The following IL23R variants were observed in gnomAD, a reference collection of about 807,000 sequenced individuals.
The protein encoded by IL23R is interleukin-23 receptor.
In IL23R, 34 loss-of-function variants were observed where a neutral mutation model predicts 56.9. The ratio of observed to expected loss-of-function variants is 0.60; its 90% confidence interval spans 0.45 to 0.80. IL23R has a LOEUF of 0.80. Ranked by LOEUF, IL23R falls within the 30% of genes least tolerant of loss-of-function variation. IL23R has a pLI of 0.00. For synonymous variants in IL23R, 230 were observed against 249.2 expected (o/e 0.92, Z 0.73); for missense variants, 635 against 730.0 (o/e 0.87, Z 1.50).
downstream of IL23R, chr1:67,259,993 ATAAC>A (rs1170939390): frequency 6.8e-6 from 1 of 147,372 alleles, no homozygotes; most frequent in Non-Finnish European, 1.5e-5. Flanking sequence ...AAAAAAAAGA[ATAAC>A]TAATACTTGC....
chr1:67,236,768 A>T lies in IL23R; in HGVS notation c.1011A>T (p.Thr337=). 6.2e-7 allele frequency: 1 copy of T among 1,613,624 alleles called. No individual in the cohort carries two copies. The highest frequency in any genetic ancestry group is 8.5e-7 in the Non-Finnish European group (1 of 1,179,522). The change falls in exon 8 of 11, where the codon ACA becomes ACT. Residue 337 remains threonine (T), a synonymous_variant. Coordinates refer to ENST00000347310, the MANE Select transcript of IL23R (RefSeq NM_144701.3). The part of the protein sequence containing the change: ...FQHDTWNSGL[T]VASISTGHLT... ...ATGACACATGGAATTCTGGGCTAAC[A>T]GTTGCTTCCATCTCTACAGGGCACC...
intron 9 of IL23R, among the ~76,000 whole-genome samples, chr1:67,242,495 G>T (rs563305207): frequency 6.6e-6 from 1 of 152,232 alleles, no homozygotes; most frequent in South Asian, 2.1e-4. Flanking sequence ...ATGATTTTAG[G>T]ATAAGCTGTT....
chr1:67,244,055 G>A (rs530618235), intron 9 of IL23R, among the ~76,000 whole-genome samples: 2 of 152,290 alleles, frequency 1.3e-5, no homozygotes, highest in African/African-American at 2.4e-5. Flanking sequence ...TTTCTCTAAT[G>A]ACTAGTGATG....
chr1:67,170,713 C>T lies in IL23R; in HGVS notation c.367+1075C>T, dbSNP rs569067465. On this transcript the variant is annotated intron_variant, in intron 3 of 10. Transcript: ENST00000347310. ...GGAATTTGTGTCTTTGCCATGTTCCCGTCCTCCACATTTTTGAGAATCAAG... is the reference window on the plus strand; with the variant it reads ...GGAATTTGTGTCTTTGCCATGTTCCTGTCCTCCACATTTTTGAGAATCAAG... Among the ~76,000 whole-genome samples, 14 of 152,276 alleles carry T rather than the reference C, an allele frequency of 9.2e-5. No homozygotes were observed. In the South Asian group the frequency reaches 2.1e-3, roughly 23 times the overall value.
intron 9 of IL23R, among the ~76,000 whole-genome samples, chr1:67,247,816 C>T (rs1226002021): frequency 6.6e-6 from 1 of 152,186 alleles, no homozygotes; most frequent in Non-Finnish European, 1.5e-5. Context: ...CTGGTGGTGA[C>T]AGAATCTCTC....
In IL23R at chr1:67,169,309, C is replaced by T. The variant is rs748670686; in HGVS notation, c.71-33C>T. On this transcript the variant is annotated intron_variant, in intron 2 of 10. Transcript: ENST00000347310. ...CTGAATCTCTTGATTTAATGTTTTA[C>T]GTGTAATTTATTATTTTTCCATTTA... 1.2e-4 allele frequency: 158 copies of T among 1,336,206 alleles called. 1 individual carries two copies. Among genetic ancestry groups the T allele is most frequent in the Non-Finnish European group, 1.4e-4 (136 of 952,822 alleles). 82.8% of individuals were successfully genotyped at this position (1,336,206 alleles called of 1,614,324 possible). A position where few individuals can be genotyped will look rare whatever the true frequency, so the allele number is the denominator to read the frequency against.
At chr1:67,219,848 T>C in intron 7 of IL23R, 118 bp downstream of exon 7, 2 of 978,458 alleles carry the variant, frequency 2.0e-6, no homozygotes, top group South Asian at 2.6e-5. Flanking sequence ...GGAAGATTGC[T>C]TGAGCCTAGG....
At chr1:67,173,387 CCAAA>C (rs1646968266) in intron 3 of IL23R, among the ~76,000 whole-genome samples, 1 of 151,966 alleles carries the variant, frequency 6.6e-6, no homozygotes, top group Non-Finnish European at 1.5e-5. Flanking sequence ...GTAACACAGC[CCAAA>C]CAATCTGATA....
chr1:67,146,711 C>T (rs1356301853), intron 1 of IL23R, among the ~76,000 whole-genome samples: 1 of 152,144 alleles, frequency 6.6e-6, no homozygotes, highest in Non-Finnish European at 1.5e-5. Flanking sequence ...GAATATGAAC[C>T]CTACCAGATC....
chr1:67,226,637 G>T (rs1463778857), intron 7 of IL23R, among the ~76,000 whole-genome samples: 1 of 152,204 alleles, frequency 6.6e-6, no homozygotes, highest in Non-Finnish European at 1.5e-5. Context: ...CAGGCCAAAA[G>T]GCAACTTTTG....
At chr1:67,222,242 G>A (rs921573763) in intron 7 of IL23R, among the ~76,000 whole-genome samples, 5 of 149,786 alleles carry the variant, frequency 3.3e-5, no homozygotes, top group South Asian at 2.1e-4. Context: ...TCAGCCTACC[G>A]AGTAGCTGGG....
intron 4 of IL23R, 41 bp downstream of exon 4, chr1:67,183,000 C>T: frequency 6.2e-7 from 1 of 1,611,112 alleles, no homozygotes; most frequent in Middle Eastern, 1.7e-4. Flanking sequence ...CAGTTCCACC[C>T]CAGTTCAGCC....
At chr1:67,156,856 G>A (rs1414569063) in intron 1 of IL23R, among the ~76,000 whole-genome samples, 2 of 152,166 alleles carry the variant, frequency 1.3e-5, no homozygotes, top group Non-Finnish European at 2.9e-5. Flanking sequence ...CACACTGCTG[G>A]AGTATGAACA....
intron 2 of IL23R, 137 bp from the exon 3 acceptor site, chr1:67,169,205 C>A: frequency 1.4e-5 from 7 of 504,898 alleles, no homozygotes; most frequent in South Asian, 4.4e-5. Context: ...TGAAAAGATA[C>A]ATCTAGTCCT....
At chr1:67,145,201 G>A (rs1646668817) in intron 1 of IL23R, among the ~76,000 whole-genome samples, 1 of 152,084 alleles carries the variant, frequency 6.6e-6, no homozygotes, top group African/African-American at 2.4e-5. Context: ...CAAAAAATTA[G>A]CCAGGCTTGG....
At chr1:67,210,209 T>C (rs1649359266) in intron 6 of IL23R, among the ~76,000 whole-genome samples, 1 of 152,132 alleles carries the variant, frequency 6.6e-6, no homozygotes, top group South Asian at 2.1e-4. Flanking sequence ...GGTTAAATTA[T>C]CTAGTGTCTT....
chr1:67,188,974 AC>A (rs1015541964), intron 4 of IL23R, among the ~76,000 whole-genome samples: 7 of 152,106 alleles, frequency 4.6e-5, no homozygotes, highest in Non-Finnish European at 1.0e-4. Flanking sequence ...CCTAAGGGAA[AC>A]CTGACCGATT....
chr1:67,254,753 A>C (rs1331963696), intron 9 of IL23R, among the ~76,000 whole-genome samples: 1 of 152,220 alleles, frequency 6.6e-6, no homozygotes, highest in African/African-American at 2.4e-5. Flanking sequence ...GTCTGAGATC[A>C]GTTTAGTCTC....
At position 67,182,777 on chromosome 1, in the gene IL23R, T is replaced by C. The variant is rs6687620; in HGVS notation, c.368-59T>C. ...CTGTTCCTATTCAGCCATCTTGGCT[T>C]GGGACCAGAGAACTTCGTATTTCTT... On this transcript the variant is annotated intron_variant, in intron 3 of 10. Coordinates refer to ENST00000347310, the MANE Select transcript of IL23R (RefSeq NM_144701.3). 1,432,787 of 1,605,410 alleles carry C rather than the reference T, an allele frequency of 0.89. 640,409 individuals are homozygous for C. The highest frequency in any genetic ancestry group is 1 in the East Asian group (44,472 of 44,606).
Sources: gnomAD v4.1 joint callset for allele counts (sites outside exome capture counted in the v4.1 genomes callset) on GRCh38, gnomAD v4.1.1 for gene constraint, MANE v1.5 for transcripts, NCBI Gene and HGNC (gene_info 2026-07-23, HGNC 2026-07-21) for gene names.